RBM47: variants seen among roughly 807,000 people sequenced by gnomAD.
RBM47 encodes RNA-binding protein 47.
RBM47 carries 21 observed loss-of-function variants against 47.1 expected under a neutral mutation model. That is an observed-to-expected ratio of 0.45 (90% CI 0.32 to 0.64). The LOEUF (loss-of-function observed/expected upper bound fraction) is 0.64, where lower values mean the gene tolerates loss of function less well. Among genes scored for constraint, RBM47 ranks in the 30% least tolerant of loss-of-function variants. The pLI is 0.05. For missense variants in RBM47, 708 were observed against 870.9 expected (o/e 0.81, Z 2.35); for synonymous variants, 375 against 361.7 (o/e 1.04, Z -0.42).
intron 1 of RBM47, among the ~76,000 whole-genome samples, chr4:40,591,780 G>A (rs1734160911): frequency 6.6e-6 from 1 of 152,102 alleles, no homozygotes; most frequent in Non-Finnish European, 1.5e-5. Context: ...CTGAGACAAG[G>A]GCTCTCCAGA....
rs564394363 is a variant in RBM47, at chr4:40,495,831, C to T, written c.-154-29132G>A. Among the ~76,000 whole-genome samples the T allele has an allele frequency of 2.4e-3, 83 of 34,194 alleles. No homozygotes were observed. The African/African-American group carries it at 0.032, about 13-fold the overall frequency. The allele number at this position is 34,194 out of a possible 152,430, so 22.4% of individuals were successfully genotyped here. The stretch of plus-strand genomic sequence containing the variant: ...ACTTCTGAAAAGTGGTCACATTGTG[C>T]GCGCTCTCTCTCTCTCTCTTTCCTC... On this transcript the variant is annotated intron_variant, in intron 2 of 6. Transcript: ENST00000295971.
intron 2 of RBM47, among the ~76,000 whole-genome samples, chr4:40,530,591 C>A (rs1477034534): frequency 6.6e-6 from 1 of 152,198 alleles, no homozygotes; most frequent in African/African-American, 2.4e-5. Flanking sequence ...TGAAGCACCG[C>A]GTCCAGCCCT....
At chr4:40,472,858 T>C (rs1446635112) in intron 2 of RBM47, among the ~76,000 whole-genome samples, 2 of 152,150 alleles carry the variant, frequency 1.3e-5, no homozygotes, top group African/African-American at 4.8e-5. Context: ...TTTTATAGTT[T>C]TTGCCATGTG....
At chr4:40,504,714 A>C (rs1221153873) in intron 2 of RBM47, among the ~76,000 whole-genome samples, 1 of 152,172 alleles carries the variant, frequency 6.6e-6, no homozygotes, top group Non-Finnish European at 1.5e-5. Flanking sequence ...AGGCCTTGTT[A>C]ATAGAAATTA....
At position 40,425,384 on chromosome 4, in the gene RBM47, A is replaced by G. The variant is rs1714882291; in HGVS notation, c.*520T>C. On this transcript the variant is annotated 3_prime_UTR_variant, in exon 7 of 7. Coordinates refer to ENST00000295971, the MANE Select transcript of RBM47 (RefSeq NM_001098634.2). ...GAGGTTTTACTCATTTTAAAATTGC[A>G]CTTTCCAGTATAACCTTTAAAATAA... 6.5e-6 allele frequency: 1 copy of G among 153,126 alleles called. No individual in the cohort carries two copies. The highest frequency in any genetic ancestry group is 1.5e-5 in the Non-Finnish European group (1 of 68,414). 9.5% of individuals were successfully genotyped at this position (153,126 alleles called of 1,614,324 possible).
intron 1 of RBM47, among the ~76,000 whole-genome samples, chr4:40,562,492 T>C (rs1173752230): frequency 1.4e-5 from 2 of 140,094 alleles, no homozygotes; most frequent in Non-Finnish European, 3.0e-5. Flanking sequence ...TGAGACAGTC[T>C]CACTCTTGTG....
chr4:40,570,301 G>C (rs543416419), intron 1 of RBM47, among the ~76,000 whole-genome samples: 11 of 151,896 alleles, frequency 7.2e-5, no homozygotes, highest in African/African-American at 2.2e-4. Context: ...AGAATCAGTG[G>C]GAGCCCTGAG....
intron 1 of RBM47, among the ~76,000 whole-genome samples, chr4:40,581,992 C>G (rs568048080): frequency 6.6e-6 from 1 of 152,060 alleles, no homozygotes; most frequent in Non-Finnish European, 1.5e-5. Flanking sequence ...TCGCCATCCC[C>G]CAGGTCCCTA....
intron 2 of RBM47, among the ~76,000 whole-genome samples, chr4:40,516,361 G>C (rs1725582292): frequency 1.3e-5 from 2 of 149,850 alleles, no homozygotes; most frequent in Admixed American, 6.7e-5. Flanking sequence ...CCAAGTTCAA[G>C]CGATTCTCCT....
intron 1 of RBM47, among the ~76,000 whole-genome samples, chr4:40,562,527 G>A (rs1036529672): frequency 2.7e-5 from 4 of 145,554 alleles, no homozygotes; most frequent in African/African-American, 1.0e-4. Context: ...GTGCACTGGT[G>A]CGACCTCGGC....
chr4:40,607,389 CT>C (rs1214050599), intron 1 of RBM47, among the ~76,000 whole-genome samples: 7 of 152,094 alleles, frequency 4.6e-5, no homozygotes, highest in Admixed American at 4.6e-4. Context: ...TAGGTTTGGA[CT>C]TTCTTTCTGG....
intron 2 of RBM47, among the ~76,000 whole-genome samples, chr4:40,529,968 C>G (rs1298991841): frequency 1.7e-5 from 2 of 114,952 alleles, no homozygotes; most frequent in Admixed American, 1.9e-4. Flanking sequence ...TGGAGTCTCA[C>G]TCTATCACCC....
chr4:40,616,878 T>TTTC (rs1736792689), intron 1 of RBM47, among the ~76,000 whole-genome samples: 5 of 140,904 alleles, frequency 3.5e-5, no homozygotes, highest in African/African-American at 1.4e-4. Flanking sequence ...TCTTTTCTTT[T>TTTC]TTTTTTTTTT....
intron 1 of RBM47, among the ~76,000 whole-genome samples, chr4:40,618,630 G>A (rs1578080223): frequency 6.6e-6 from 1 of 150,976 alleles, no homozygotes; most frequent in East Asian, 2.0e-4. Context: ...CCAACATGGT[G>A]AAACCCCGTC....
At chr4:40,526,190 C>G (rs1196440531) in intron 2 of RBM47, among the ~76,000 whole-genome samples, 1 of 152,200 alleles carries the variant, frequency 6.6e-6, no homozygotes, top group Admixed American at 6.5e-5. Flanking sequence ...CCAGAACACA[C>G]AGACTCTGGA....
intron 1 of RBM47, among the ~76,000 whole-genome samples, chr4:40,599,572 C>G (rs1735053841): frequency 6.6e-6 from 1 of 152,076 alleles, no homozygotes; most frequent in African/African-American, 2.4e-5. Flanking sequence ...GCTGTCCTAT[C>G]TCTTGGGACA....
chr4:40,438,336 G>C lies in RBM47; in HGVS notation c.558C>G (p.Ser186Arg). ...EGVLDVIVYA[S>R]AADKMKNRGF... ...CGCGGTTCTTCATCTTGTCGGCCGC[G>C]CTGGCGTAGACGATCACGTCCAGCA... The change falls in exon 4 of 7, where the codon AGC becomes AGG. Residue 186 changes from serine to arginine, a missense_variant. Coordinates refer to ENST00000295971, the MANE Select transcript of RBM47 (RefSeq NM_001098634.2). 3 of 1,609,792 alleles carry C rather than the reference G, an allele frequency of 1.9e-6. No homozygotes were observed. Among genetic ancestry groups the C allele is most frequent in the Non-Finnish European group, 2.5e-6 (3 of 1,179,920 alleles).
At chr4:40,439,027 G>A in intron 3 of RBM47, 103 bp from the exon 4 acceptor site, 4 of 1,014,796 alleles carry the variant, frequency 3.9e-6, no homozygotes, top group Non-Finnish European at 4.2e-6. Flanking sequence ...CCACGGGGAA[G>A]GGGAGGTGGT....
intron 2 of RBM47, among the ~76,000 whole-genome samples, chr4:40,507,526 C>T (rs942850916): frequency 6.6e-6 from 1 of 152,160 alleles, no homozygotes; most frequent in Non-Finnish European, 1.5e-5. Context: ...CGGTGGCTCA[C>T]GCCTGTAATC....
Sources: gnomAD v4.1 joint callset for allele counts (sites outside exome capture counted in the v4.1 genomes callset) on GRCh38, gnomAD v4.1.1 for gene constraint, MANE v1.5 for transcripts, NCBI Gene and HGNC (gene_info 2026-07-23, HGNC 2026-07-21) for gene names.